WNT4: variants seen among roughly 807,000 people sequenced by gnomAD.
WNT4 encodes Wnt family member 4.
A neutral mutation model predicts 34.5 loss-of-function variants in WNT4; 16 were observed. That is an observed-to-expected ratio of 0.46 (90% CI 0.31 to 0.70). The LOEUF (loss-of-function observed/expected upper bound fraction) is 0.70. Among genes scored for constraint, WNT4 ranks in the 30% least tolerant of loss-of-function variants. The probability of loss-of-function intolerance (pLI) is 0.04; values close to 1 mark genes in which losing one functional copy is unlikely to be tolerated. For missense variants in WNT4, 379 were observed against 495.9 expected, an observed-to-expected ratio of 0.76 and a Z score of 2.24; for synonymous variants, 200 against 211.9, an observed-to-expected ratio of 0.94 and a Z score of 0.49.
chr1:22,142,968 G>T lies in WNT4; in HGVS notation c.-46C>A, dbSNP rs981894341. 2.0e-5 allele frequency: 20 copies of T among 1,003,382 alleles called. No individual in the cohort carries two copies. Among genetic ancestry groups the T allele is most frequent in the African/African-American group, 1.1e-4 (6 of 56,904 alleles). The allele number at this position is 1,003,382 out of a possible 1,614,324, so 62.2% of individuals were successfully genotyped here. A position where few individuals can be genotyped will look rare whatever the true frequency, so the allele number is the denominator to read the frequency against. On this transcript the variant is annotated 5_prime_UTR_variant, in exon 1 of 5. Coordinates refer to ENST00000290167, the MANE Select transcript of WNT4 (RefSeq NM_030761.5). The surrounding 1 kb of genome is among the most constrained non-coding windows in gnomAD (Gnocchi z 6.0). ...GCCCGGGGCAGCGGCTGCGGCCGCG[G>T]GGGGCCTCCCGTCGGGGCTGCAGGT... is the stretch of plus-strand genomic sequence containing the variant.
chr1:22,127,671 G>T (rs1270274941), intron 2 of WNT4, among the ~76,000 whole-genome samples: 1 of 152,160 alleles, frequency 6.6e-6, no homozygotes, highest in African/African-American at 2.4e-5. Flanking sequence ...CAAAGCAAAT[G>T]GGTGAAAATG....
rs1371535634 is a variant in WNT4, at chr1:22,137,736, G to A, written c.77+5110C>T. ...CCCCCTCGGGCAGAGCCTGGTCCTG[G>A]GGTGCTGCAGTGCTGGGGGAGAAAC... On this transcript the variant is annotated intron_variant, in intron 1 of 4. Coordinates refer to ENST00000290167, the MANE Select transcript of WNT4 (RefSeq NM_030761.5). The surrounding 1 kb of genome is among the most constrained non-coding windows in gnomAD (Gnocchi z 5.3). 6.6e-6 allele frequency among the ~76,000 whole-genome samples: 1 copy of A among 152,240 alleles called. No homozygotes were observed. The highest frequency in any genetic ancestry group is 2.1e-4 in the South Asian group (1 of 4,828).
At chr1:22,136,337 A>G (rs766244934) in intron 1 of WNT4, among the ~76,000 whole-genome samples, 1 of 152,138 alleles carries the variant, frequency 6.6e-6, no homozygotes, top group Non-Finnish European at 1.5e-5. Flanking sequence ...TGTCCCCACA[A>G]CCTTTCATGT....
chr1:22,126,221 C>T (rs4655024), intron 2 of WNT4, among the ~76,000 whole-genome samples: 79,348 of 152,054 alleles, frequency 0.52, 21,264 homozygotes, highest in African/African-American at 0.57. Flanking sequence ...GTCCATCTTG[C>T]CTCCAGGCCA....
chr1:22,122,898 C>T (rs377321219), intron 2 of WNT4, among the ~76,000 whole-genome samples: 6 of 152,132 alleles, frequency 3.9e-5, no homozygotes, highest in African/African-American at 7.2e-5. Flanking sequence ...CTTGAGCTGG[C>T]GATAGTGCCC....
chr1:22,120,364 G>A lies in WNT4; in HGVS notation c.742C>T (p.Arg248Cys), dbSNP rs369780122. ...ACCAGTGCCCTGGAGGAGCCCACGC[G>A]GCGTGGCTCCACCTCAGTGGCACCA... ...FDGATEVEPR[R>C]VGSSRALVPR... The change falls in exon 5 of 5, where the codon CGC becomes TGC. Residue 248 changes from arginine to cysteine, a missense_variant. By Grantham distance (180) the Arg-to-Cys change is radical (BLOSUM62 -3). Transcript: ENST00000290167. The A allele has an allele frequency of 9.3e-6, 15 of 1,614,076 alleles. No individual in the cohort carries two copies. Among genetic ancestry groups the A allele is most frequent in the Middle Eastern group, 1.6e-4 (1 of 6,084 alleles).
At chr1:22,129,584 C>T (rs1645966597) in intron 2 of WNT4, 32 bp downstream of exon 2, 2 of 1,599,918 alleles carry the variant, frequency 1.3e-6, no homozygotes, top group Non-Finnish European at 1.7e-6. Context: ...GCACCGCAGG[C>T]TCCCCTGCAG....
intron 2 of WNT4, among the ~76,000 whole-genome samples, chr1:22,123,475 G>T (rs1032428017): frequency 6.6e-6 from 1 of 152,186 alleles, no homozygotes; most frequent in Non-Finnish European, 1.5e-5. Context: ...TGAAGGAAGA[G>T]ATTCTGGAAG....
chr1:22,125,852 C>CT (rs2124108417), intron 2 of WNT4, among the ~76,000 whole-genome samples: 1 of 152,310 alleles, frequency 6.6e-6, no homozygotes, highest in East Asian at 1.9e-4. Flanking sequence ...CCCTCACACC[C>CT]TTTGGTTCAT....
At chr1:22,124,672 G>A (rs921389369) in intron 2 of WNT4, among the ~76,000 whole-genome samples, 3 of 152,204 alleles carry the variant, frequency 2.0e-5, no homozygotes, top group Admixed American at 2.0e-4. Flanking sequence ...ACCAAGGCTT[G>A]TCGGACTCCA....
chr1:22,132,432 G>A (rs947170947), intron 1 of WNT4, among the ~76,000 whole-genome samples: 7 of 152,328 alleles, frequency 4.6e-5, no homozygotes, highest in Non-Finnish European at 8.8e-5. Context: ...CATACTTGGA[G>A]CCTGTCTCCT....
chr1:22,133,257 C>T (rs1645997202), intron 1 of WNT4, among the ~76,000 whole-genome samples: 2 of 152,122 alleles, frequency 1.3e-5, no homozygotes, highest in Admixed American at 1.3e-4. Context: ...AGGGCTCTGT[C>T]CTGACGGGGT....
intron 2 of WNT4, among the ~76,000 whole-genome samples, chr1:22,122,726 G>T (rs1405684773): frequency 6.6e-6 from 1 of 152,212 alleles, no homozygotes; most frequent in African/African-American, 2.4e-5. Flanking sequence ...TGACATCCAG[G>T]CCTGTGCTCT....
intron 2 of WNT4, among the ~76,000 whole-genome samples, chr1:22,123,281 C>G (rs1645916359): frequency 6.6e-6 from 1 of 152,152 alleles, no homozygotes; most frequent in Non-Finnish European, 1.5e-5. Flanking sequence ...CGGCCCAACC[C>G]AAGCCCCAGG....
rs1646048354 is a variant in WNT4, at chr1:22,139,423, G to A, written c.77+3423C>T. On this transcript the variant is annotated intron_variant, in intron 1 of 4. Transcript: ENST00000290167. This position sits in a 1 kb window ranked among gnomAD's most constrained non-coding sequence, Gnocchi z 4.6. ...CGGAGAGGTTAATAACCTGTCCAAG[G>A]TCACTCAGCTGGGCAGGGCAGAGCT... 6.6e-6 allele frequency among the ~76,000 whole-genome samples: 1 copy of A among 152,124 alleles called. No homozygotes were observed. The highest frequency in any genetic ancestry group is 6.5e-5 in the Admixed American group (1 of 15,278).
At chr1:22,126,935 TG>T (rs1335581128) in intron 2 of WNT4, 1 of 265,208 alleles carries the variant, frequency 3.8e-6, no homozygotes, top group African/African-American at 2.3e-5. Context: ...TTCCTCCATC[TG>T]CCTCACCAGC....
chr1:22,126,562 C>T (rs936664857), intron 2 of WNT4, among the ~76,000 whole-genome samples: 5 of 152,218 alleles, frequency 3.3e-5, no homozygotes, highest in African/African-American at 9.7e-5. Flanking sequence ...TGATAGCACA[C>T]CACAGGCCCT....
intron 1 of WNT4, among the ~76,000 whole-genome samples, chr1:22,136,875 C>T (rs1282145894): frequency 6.6e-6 from 1 of 152,190 alleles, no homozygotes; most frequent in Admixed American, 6.5e-5. Flanking sequence ...GTTGCCGGAA[C>T]AGCTGGGCAC....
At chr1:22,141,845 T>G (rs1199291370) in intron 1 of WNT4, among the ~76,000 whole-genome samples, 1 of 152,216 alleles carries the variant, frequency 6.6e-6, no homozygotes, top group Non-Finnish European at 1.5e-5. Flanking sequence ...AAACCCCAGC[T>G]ACACTGTTGG....
Sources: gnomAD v4.1 joint callset for allele counts (sites outside exome capture counted in the v4.1 genomes callset) on GRCh38, gnomAD v4.1.1 for gene constraint, Gnocchi (gnomAD v3.1) non-coding constraint, MANE v1.5 for transcripts, NCBI Gene and HGNC (gene_info 2026-07-23, HGNC 2026-07-21) for gene names.